The following CDH12 variants were observed in gnomAD, a reference collection of about 807,000 sequenced individuals.
CDH12 encodes the protein cadherin 12, also known as cadherin-12.
In CDH12, 41 loss-of-function variants were observed where a neutral mutation model predicts 74.1. The observed-to-expected ratio is 0.55, with a 90% confidence interval of 0.43 to 0.72. The LOEUF is 0.72. Among genes scored for constraint, CDH12 ranks in the 30% least tolerant of loss-of-function variants. CDH12 has a pLI of 0.00. For synonymous variants in CDH12, 399 were observed against 355.0 expected, an observed-to-expected ratio of 1.12 and a Z score of -1.39; for missense variants, 945 against 977.2, an observed-to-expected ratio of 0.97 and a Z score of 0.44.
intron 2 of CDH12, among the ~76,000 whole-genome samples, chr5:22,485,380 A>T (rs1207187773): frequency 6.6e-6 from 1 of 152,198 alleles, no homozygotes; most frequent in Non-Finnish European, 1.5e-5. Flanking sequence ...TAAAAGAGAC[A>T]GGTCCTTGCT....
intron 4 of CDH12, among the ~76,000 whole-genome samples, chr5:22,116,483 T>C (rs1015445853): frequency 6.6e-6 from 1 of 152,080 alleles, no homozygotes; most frequent in Non-Finnish European, 1.5e-5. Context: ...CGCGTGCCTG[T>C]AGTCCTAGCT....
At chr5:22,686,803 C>T (rs1580887444) in intron 1 of CDH12, among the ~76,000 whole-genome samples, 1 of 152,216 alleles carries the variant, frequency 6.6e-6, no homozygotes, top group African/African-American at 2.4e-5. Flanking sequence ...CACTTTAGCT[C>T]TTAACAGATC....
chr5:22,406,223 G>A lies in CDH12; in HGVS notation c.-427-872C>T, dbSNP rs530621646. Among the ~76,000 whole-genome samples, 44 of 152,132 alleles carry A rather than the reference G, an allele frequency of 2.9e-4. 1 individual carries two copies. Among genetic ancestry groups the A allele is most frequent in the Middle Eastern group, 3.4e-3 (1 of 294 alleles). On this transcript the variant is annotated intron_variant, in intron 2 of 14. Transcript: ENST00000382254. ...AACAACCTTCCTAGGTTGGCAAGTC[G>A]AGGACTCTTTTTGACATTATTGAAA... is the stretch of plus-strand genomic sequence containing the variant.
chr5:22,443,939 A>T (rs1238157296), intron 2 of CDH12, among the ~76,000 whole-genome samples: 1 of 152,082 alleles, frequency 6.6e-6, no homozygotes, highest in East Asian at 1.9e-4. Context: ...TTTAAAATGC[A>T]AATCAGGATT....
At chr5:22,432,416 A>G (rs1243392446) in intron 2 of CDH12, among the ~76,000 whole-genome samples, 1 of 152,126 alleles carries the variant, frequency 6.6e-6, no homozygotes, top group Non-Finnish European at 1.5e-5. Flanking sequence ...TTGTATATCT[A>G]TTGAACTGTT....
intron 3 of CDH12, among the ~76,000 whole-genome samples, chr5:22,391,890 T>A (rs913564907): frequency 1.6e-4 from 25 of 152,110 alleles, no homozygotes; most frequent in Non-Finnish European, 2.8e-4. Flanking sequence ...AGCTCTTTTT[T>A]AAAAATAAAA....
intron 1 of CDH12, among the ~76,000 whole-genome samples, chr5:22,662,598 T>G (rs1450590669): frequency 2.0e-5 from 3 of 152,198 alleles, no homozygotes; most frequent in Non-Finnish European, 4.4e-5. Flanking sequence ...TTATCTACAT[T>G]AACACTTCAT....
chr5:21,903,740 A>G (rs754947071), intron 6 of CDH12, among the ~76,000 whole-genome samples: 9 of 152,174 alleles, frequency 5.9e-5, no homozygotes, highest in Non-Finnish European at 1.5e-5. Flanking sequence ...AAACAAAACA[A>G]ATAAAAACAC....
chr5:22,411,641 T>G (rs1263314629), intron 2 of CDH12, among the ~76,000 whole-genome samples: 1 of 152,034 alleles, frequency 6.6e-6, no homozygotes, highest in Non-Finnish European at 1.5e-5. Context: ...CGAAATTGAT[T>G]GAATTATATT....
intron 3 of CDH12, among the ~76,000 whole-genome samples, chr5:22,349,726 G>A (rs2968269): frequency 0.033 from 4,977 of 152,068 alleles, 268 homozygotes; most frequent in African/African-American, 0.11. Context: ...TCTCACTATA[G>A]ACTTACTTTA....
chr5:21,817,003 T>A lies in CDH12; in HGVS notation c.944A>T (p.Asn315Ile). 6.2e-7 allele frequency: 1 copy of A among 1,612,840 alleles called. No homozygotes were observed. Residue 315 changes from asparagine (N) to isoleucine (I), a missense_variant, in exon 9 of 15, where the codon AAT becomes ATT. Coordinates refer to ENST00000382254, the MANE Select transcript of CDH12 (RefSeq NM_004061.5). The part of the protein sequence containing the change: ...EYNIVPGDGG[N>I]LFDIVTDEDT... ...CTCATCTGTGACGATGTCAAACAAA[T>A]TTCCCCCATCTCCTGGAACAATATT...
In CDH12 at chr5:22,532,350, GATATAT is replaced by G. The variant is rs71609770; in HGVS notation, c.-522-26992_-522-26987del. 3.8e-3 allele frequency among the ~76,000 whole-genome samples: 106 copies of G among 27,560 alleles called. 15 individuals carry two copies. In the East Asian group the frequency reaches 0.042, roughly 11 times the overall value. The allele number at this position is 27,560 out of a possible 152,430, so 18.1% of individuals were successfully genotyped here. On this transcript the variant is annotated intron_variant, in intron 1 of 14. Transcript: ENST00000382254. The stretch of plus-strand genomic sequence containing the variant: ...TCTAACAGATAAATTATATAAATAG[GATATAT>G]ATATATATATATATATATATATGTA...
At chr5:22,232,204 A>C (rs931109089) in intron 3 of CDH12, among the ~76,000 whole-genome samples, 9 of 151,838 alleles carry the variant, frequency 5.9e-5, no homozygotes, top group Admixed American at 6.6e-5. Flanking sequence ...CTTAATAAAT[A>C]TATAAAAACA....
intron 3 of CDH12, among the ~76,000 whole-genome samples, chr5:22,261,227 C>T (rs1753500260): frequency 6.6e-6 from 1 of 151,468 alleles, no homozygotes; most frequent in Non-Finnish European, 1.5e-5. Flanking sequence ...ATTACTCGTT[C>T]ACAAATTTAT....
At chr5:22,195,639 A>C (rs190421368) in intron 4 of CDH12, among the ~76,000 whole-genome samples, 1 of 152,202 alleles carries the variant, frequency 6.6e-6, no homozygotes, top group Admixed American at 6.5e-5. Context: ...AATACAATGA[A>C]TAAGAAAATA....
chr5:21,807,365 C>T (rs754841890), intron 9 of CDH12, among the ~76,000 whole-genome samples: 4 of 152,116 alleles, frequency 2.6e-5, no homozygotes, highest in Non-Finnish European at 4.4e-5. Context: ...TTCCACATGG[C>T]TAGCCTGGTG....
chr5:22,296,120 C>T (rs1057442482), intron 3 of CDH12, among the ~76,000 whole-genome samples: 1 of 151,818 alleles, frequency 6.6e-6, no homozygotes. Context: ...AAATATACAA[C>T]ACTGGTATAT....
chr5:22,345,751 G>C (rs1198741138), intron 3 of CDH12, among the ~76,000 whole-genome samples: 2 of 152,156 alleles, frequency 1.3e-5, no homozygotes, highest in Non-Finnish European at 2.9e-5. Context: ...TTGAAATCAA[G>C]ATACGCTATG....
rs1293199544 is a variant in CDH12 at position 22,591,214 on chromosome 5, T to G, written c.-522-85850A>C. ...AGTAATATAAAATCAACTAGTTTTT[T>G]GAAAGGCTGAATTTTATTCTTTTTT... On this transcript the variant is annotated intron_variant, in intron 1 of 14. Transcript: ENST00000382254. 2.0e-5 allele frequency among the ~76,000 whole-genome samples: 3 copies of G among 152,214 alleles called. No individual in the cohort carries two copies. In the East Asian group the frequency reaches 5.8e-4, roughly 29 times the overall value.
Sources: gnomAD v4.1 joint callset for allele counts (sites outside exome capture counted in the v4.1 genomes callset) on GRCh38, gnomAD v4.1.1 for gene constraint, MANE v1.5 for transcripts, NCBI Gene and HGNC (gene_info 2026-07-23, HGNC 2026-07-21) for gene names.